TRPC3: variants seen among roughly 807,000 people sequenced by gnomAD.
The protein encoded by TRPC3 is short transient receptor potential channel 3.
In TRPC3, 54 loss-of-function variants were observed where a neutral mutation model predicts 90.9. That is an observed-to-expected ratio of 0.59 (90% confidence interval 0.48 to 0.75). The LOEUF (loss-of-function observed/expected upper bound fraction) is 0.75. TRPC3 is among the 30% of genes least tolerant of loss of function. TRPC3 has a pLI of 0.00. For synonymous variants in TRPC3, 424 were observed against 450.9 expected, an observed-to-expected ratio of 0.94 and a Z score of 0.75; for missense variants, 918 against 1,194.5, an observed-to-expected ratio of 0.77 and a Z score of 3.41.
intron 3 of TRPC3, 38 bp from the exon 4 acceptor site, chr4:121,914,982 G>A (rs757621966): frequency 6.5e-7 from 1 of 1,546,590 alleles, no homozygotes; most frequent in East Asian, 2.3e-5. Flanking sequence ...GGGAGAGAAA[G>A]GTAAGTTACC....
In TRPC3 at chr4:121,932,135, G is replaced by T; in HGVS notation, c.987+136C>A. On this transcript the variant is annotated intron_variant, in intron 2 of 11. Transcript: ENST00000379645. This position sits in a 1 kb window ranked among gnomAD's most constrained non-coding sequence, Gnocchi z 7.7. ...AGAAAACATTAGATGAGGTCTGAAT[G>T]ACGTTCTCAGTCCCTCGTGATTTCA... The T allele has an allele frequency of 1.5e-6, 2 of 1,352,650 alleles. No individual in the cohort carries two copies. The highest frequency in any genetic ancestry group is 2.0e-6 in the Non-Finnish European group (2 of 1,006,452). 83.8% of individuals were successfully genotyped at this position (1,352,650 alleles called of 1,614,324 possible).
chr4:121,875,225 A>C lies in TRPC3; in HGVS notation c.*4511T>G, dbSNP rs1271634251. 2.0e-5 allele frequency among the ~76,000 whole-genome samples: 3 copies of C among 152,158 alleles called. No individual in the cohort carries two copies. Among genetic ancestry groups the C allele is most frequent in the Non-Finnish European group, 4.4e-5 (3 of 68,020 alleles). On this transcript the variant is annotated 3_prime_UTR_variant, in exon 12 of 12. Coordinates refer to ENST00000379645, the MANE Select transcript of TRPC3 (RefSeq NM_001130698.2). The stretch of plus-strand genomic sequence containing the variant: ...TGTTCAATTAATTGTGTAGAAGGAA[A>C]GTAAAAGTTTATTTTGAAGCTCAAA...
intron 9 of TRPC3, among the ~76,000 whole-genome samples, chr4:121,901,263 A>T (rs1360667200): frequency 2.0e-5 from 3 of 152,206 alleles, no homozygotes; most frequent in Non-Finnish European, 4.4e-5. Flanking sequence ...CAATTTCAGT[A>T]GCAGCAGGAG....
chr4:121,900,177 C>A (rs568063179), intron 9 of TRPC3, among the ~76,000 whole-genome samples: 1 of 152,180 alleles, frequency 6.6e-6, no homozygotes, highest in Admixed American at 6.5e-5. Context: ...GCATCTTGGC[C>A]TTATGCTAAG....
At position 121,951,873 on chromosome 4, in the gene TRPC3, G is replaced by A. The variant is rs1320203450; in HGVS notation, c.-193C>T. ...GCAGTTAGAGGCTAGCGCCGAAGCC[G>A]AGCTGCCGCCGCCCACCATCAAACC... On this transcript the variant is annotated 5_prime_UTR_variant, in exon 1 of 12. Coordinates refer to ENST00000379645, the MANE Select transcript of TRPC3 (RefSeq NM_001130698.2). This position sits in a 1 kb window ranked among gnomAD's most constrained non-coding sequence, Gnocchi z 4.4. 7.5e-6 allele frequency: 3 copies of A among 400,908 alleles called. No homozygotes were observed. The highest frequency in any genetic ancestry group is 2.1e-5 in the African/African-American group (1 of 48,182). 24.8% of individuals were successfully genotyped at this position (400,908 alleles called of 1,614,324 possible).
At position 121,912,079 on chromosome 4, in the gene TRPC3, C is replaced by T. The variant is rs774867179; in HGVS notation, c.1356G>A (p.Leu452=). Residue 452 remains leucine, a synonymous_variant, in exon 5 of 12, where the codon CTG becomes CTA. Transcript: ENST00000379645. ...IAPCSRLGKI[L]RSPFMKFVAH... Reference sequence around the variant, plus strand: ...CTACAAACTTCATAAAAGGGCTTCGCAGAATTTTCCCCAGCTGTAACAAAC... The same window carrying T: ...CTACAAACTTCATAAAAGGGCTTCGTAGAATTTTCCCCAGCTGTAACAAAC... 6.2e-7 allele frequency: 1 copy of T among 1,613,218 alleles called. No homozygotes were observed. The highest frequency in any genetic ancestry group is 1.3e-5 in the African/African-American group (1 of 74,844).
intron 10 of TRPC3, among the ~76,000 whole-genome samples, chr4:121,894,878 C>T (rs1728465620): frequency 6.6e-6 from 1 of 151,982 alleles, no homozygotes; most frequent in South Asian, 2.1e-4. Context: ...TTTTAATCAG[C>T]ACGTGGTACA....
At chr4:121,891,608 C>T (rs1728331327) in intron 10 of TRPC3, among the ~76,000 whole-genome samples, 1 of 152,186 alleles carries the variant, frequency 6.6e-6, no homozygotes, top group Non-Finnish European at 1.5e-5. Flanking sequence ...AAAAACAGGA[C>T]ATACATTTCC....
At chr4:121,882,485 C>T in intron 10 of TRPC3, 56 bp from the exon 11 acceptor site, 1 of 1,535,734 alleles carries the variant, frequency 6.5e-7, no homozygotes, top group Non-Finnish European at 8.9e-7. Flanking sequence ...GTGCCCCAAT[C>T]CTATTTTCCA....
In TRPC3 at chr4:121,879,462, G is replaced by T. The variant is rs1227228446; in HGVS notation, c.*274C>A. The T allele has an allele frequency of 3.0e-6, 1 of 332,306 alleles. No individual in the cohort carries two copies. The highest frequency in any genetic ancestry group is 5.5e-6 in the Non-Finnish European group (1 of 183,178). 20.6% of individuals were successfully genotyped at this position (332,306 alleles called of 1,614,324 possible). ...GGAGGCAAACAGGTAGTGCAAAGAT[G>T]TGGAGTTTACTCTAAAATGAATAAA... On this transcript the variant is annotated 3_prime_UTR_variant, in exon 12 of 12. Coordinates refer to ENST00000379645, the MANE Select transcript of TRPC3 (RefSeq NM_001130698.2).
At chr4:121,905,627 GTCTTT>G (rs79133951) in intron 7 of TRPC3, among the ~76,000 whole-genome samples, 13,783 of 152,008 alleles carry the variant, frequency 0.091, 1,306 homozygotes, top group African/African-American at 0.23. Flanking sequence ...TCAAAAGTAA[GTCTTT>G]TCTTTTCTCA....
At chr4:121,927,555 A>G (rs1385020256) in intron 2 of TRPC3, among the ~76,000 whole-genome samples, 1 of 152,222 alleles carries the variant, frequency 6.6e-6, no homozygotes, top group East Asian at 1.9e-4. Flanking sequence ...GCTTCCAAAA[A>G]TCATACTTTA....
At chr4:121,936,375 C>T (rs1487491492) in intron 1 of TRPC3, among the ~76,000 whole-genome samples, 1 of 152,142 alleles carries the variant, frequency 6.6e-6, no homozygotes, top group Admixed American at 6.5e-5. Context: ...CCAGGAATTT[C>T]CTACCCTCAG....
In TRPC3 at chr4:121,951,760, G is replaced by A; in HGVS notation, c.-80C>T. ...CGCGGCAGTGCAGTCTTCCCGCGGC[G>A]CCCCTTCACCACCTCCCGCGGCTTC... On this transcript the variant is annotated 5_prime_UTR_variant, in exon 1 of 12. Coordinates refer to ENST00000379645, the MANE Select transcript of TRPC3 (RefSeq NM_001130698.2). This position sits in a 1 kb window ranked among gnomAD's most constrained non-coding sequence, Gnocchi z 4.4. 8.5e-7 allele frequency: 1 copy of A among 1,182,738 alleles called. No individual in the cohort carries two copies. Among genetic ancestry groups the A allele is most frequent in the Non-Finnish European group, 1.1e-6 (1 of 920,452 alleles). 73.3% of individuals were successfully genotyped at this position (1,182,738 alleles called of 1,614,324 possible). A position where few individuals can be genotyped will look rare whatever the true frequency, so the allele number is the denominator to read the frequency against.
Position 121,951,608 on chromosome 4 carries a change from C to T in TRPC3, c.73G>A (p.Glu25Lys). 2 of 1,445,802 alleles carry T rather than the reference C, an allele frequency of 1.4e-6. No homozygotes were observed. Among genetic ancestry groups the T allele is most frequent in the Non-Finnish European group, 1.8e-6 (2 of 1,092,560 alleles). The allele number at this position is 1,445,802 out of a possible 1,614,324, so 89.6% of individuals were successfully genotyped here. The change falls in exon 1 of 12, where the codon GAG (glutamate) becomes AAG (lysine). Residue 25 changes from glutamate (E) to lysine (K), a missense_variant. Coordinates refer to ENST00000379645, the MANE Select transcript of TRPC3 (RefSeq NM_001130698.2). This position sits in a 1 kb window ranked among gnomAD's most constrained non-coding sequence, Gnocchi z 4.4. The part of the protein sequence containing the change: ...TFPAPEEEED[E>K]GEDEGAEPQR... ...GGCTCCGCGCCCTCGTCCTCGCCCT[C>T]GTCTTCCTCCTCCTCCGGCGCCGGG...
intron 1 of TRPC3, among the ~76,000 whole-genome samples, chr4:121,938,600 C>G (rs1247684911): frequency 1.3e-5 from 2 of 152,166 alleles, no homozygotes; most frequent in East Asian, 3.8e-4. Context: ...ATATTTAACT[C>G]TCATAACAAT....
At chr4:121,928,776 G>A (rs1198179559) in intron 2 of TRPC3, among the ~76,000 whole-genome samples, 1 of 152,116 alleles carries the variant, frequency 6.6e-6, no homozygotes, top group Non-Finnish European at 1.5e-5. Flanking sequence ...CTATCTACAG[G>A]TTCTGCACAC....
intron 10 of TRPC3, among the ~76,000 whole-genome samples, chr4:121,890,687 T>A (rs1728293110): frequency 6.6e-6 from 1 of 152,056 alleles, no homozygotes; most frequent in Non-Finnish European, 1.5e-5. Flanking sequence ...AGACTAAACG[T>A]ACATATTGAA....
chr4:121,901,651 G>T, intron 9 of TRPC3, among the ~76,000 whole-genome samples: 1 of 152,184 alleles, frequency 6.6e-6, no homozygotes, highest in East Asian at 1.9e-4. Context: ...GAATTTTGTA[G>T]ATCTCATGTA....
Sources: allele counts gnomAD v4.1 joint callset (sites outside exome capture counted in the v4.1 genomes callset), GRCh38; gene constraint gnomAD v4.1.1; non-coding constraint Gnocchi (gnomAD v3.1); transcripts MANE v1.5; gene names NCBI Gene and HGNC (gene_info 2026-07-23, HGNC 2026-07-21).